The following TACC3 variants were observed in gnomAD, a reference collection of about 807,000 sequenced individuals.
TACC3 encodes transforming acidic coiled-coil-containing protein 3.
Under a neutral mutation model 86.0 loss-of-function variants are expected in TACC3, and 52 were observed. The observed-to-expected ratio is 0.60, with a 90% CI of 0.48 to 0.76. TACC3 has a LOEUF of 0.76. Among genes scored for constraint, TACC3 ranks in the 30% least tolerant of loss-of-function variants. TACC3 has a pLI of 0.00. For synonymous variants in TACC3, 512 were observed against 430.0 expected, an observed-to-expected ratio of 1.19 and a Z score of -2.36; for missense variants, 1,120 against 1,070.4, an observed-to-expected ratio of 1.05 and a Z score of -0.65.
rs1718241354 is a variant in TACC3, at chr4:1,735,932, G to C, written c.1748+98G>C. On this transcript the variant is annotated intron_variant, in intron 8 of 15. Coordinates refer to ENST00000313288, the MANE Select transcript of TACC3 (RefSeq NM_006342.3). The surrounding 1 kb of genome is among the most constrained non-coding windows in gnomAD (Gnocchi z 4.2). Reference sequence around the variant, plus strand: ...TGTCTGCACAGAGGCTTCTAGACCGGGGGGAGATGATCAGAACTGGAAAGG... The same window carrying C: ...TGTCTGCACAGAGGCTTCTAGACCGCGGGGAGATGATCAGAACTGGAAAGG... The C allele has an allele frequency of 3.5e-6, 3 of 868,890 alleles. No homozygotes were observed. The highest frequency in any genetic ancestry group is 4.9e-5 in the Admixed American group (2 of 40,592). The allele number at this position is 868,890 out of a possible 1,614,324, so 53.8% of individuals were successfully genotyped here.
intron 14 of TACC3, 25 bp from the exon 15 acceptor site, chr4:1,744,687 C>T (rs1236060312): frequency 6.2e-7 from 1 of 1,612,120 alleles, no homozygotes; most frequent in African/African-American, 1.3e-5. Flanking sequence ...CCAGCTCAGC[C>T]TCTGCCCCGC....
rs112671464 is a variant in TACC3 at position 1,723,477 on chromosome 4, A to G, written c.56A>G (p.Asn19Ser). The change falls in exon 2 of 16, where the codon AAT becomes AGT. Residue 19 changes from asparagine (N) to serine (S), a missense_variant. Coordinates refer to ENST00000313288, the MANE Select transcript of TACC3 (RefSeq NM_006342.3). The part of the protein sequence containing the change: ...KNVSNEKNTE[N>S]CDFLFSPPEV... ...GTCAGCAATGAAAAAAATACAGAAA[A>G]TTGCGACTTCCTGTTTTCGCCACCA... 16 of 1,613,574 alleles carry G rather than the reference A, an allele frequency of 9.9e-6. No individual in the cohort carries two copies. The highest frequency in any genetic ancestry group is 1.6e-4 in the Middle Eastern group (1 of 6,084).
chr4:1,744,463 GGGTGCTCTCCAGCAGAC>G (rs1364000227), intron 13 of TACC3, 38 bp from the exon 14 acceptor site: 1 of 1,532,796 alleles, frequency 6.5e-7, no homozygotes, highest in Non-Finnish European at 9.0e-7. Context: ...CACCAAGCCT[GGGTGCTCTCCAGCAGAC>G]GGCGTGGTAC....
In TACC3 at chr4:1,723,868, GAAGT is replaced by G; in HGVS notation, c.305+3_305+6del. The G allele has an allele frequency of 6.2e-7, 1 of 1,613,162 alleles. No homozygotes were observed. Among genetic ancestry groups the G allele is most frequent in the Non-Finnish European group, 8.5e-7 (1 of 1,179,894 alleles). ...CACACCCGGTCTGGACACAGAAAGA[GAAGT>G]AAGTGTTGGTGCTGCTGGACATGCT... is the stretch of plus-strand genomic sequence containing the variant. On this transcript the variant is annotated splice_donor_variant and coding_sequence_variant, in exon 3 of 16. Coordinates refer to ENST00000313288, the MANE Select transcript of TACC3 (RefSeq NM_006342.3). LOFTEE classifies it high-confidence loss of function.
intron 10 of TACC3, chr4:1,739,417 C>T (rs924047985): frequency 4.1e-5 from 21 of 509,020 alleles, no homozygotes; most frequent in South Asian, 2.4e-4. Flanking sequence ...CACTGGGCTG[C>T]GGGGGCAGCT....
At chr4:1,720,784 G>T (rs1401984537), upstream of TACC3, 3 of 1,595,396 alleles carry the variant, frequency 1.9e-6, no homozygotes, top group Middle Eastern at 1.7e-4. This position sits in a 1 kb window ranked among gnomAD's most constrained non-coding sequence, Gnocchi z 4.4. Flanking sequence ...TGAACACGAA[G>T]CACACGGCGA....
Position 1,730,390 on chromosome 4 carries a change from T to G in TACC3, c.1386-497T>G, listed in dbSNP as rs529242229. 31 of 253,550 alleles carry G rather than the reference T, an allele frequency of 1.2e-4. No individual in the cohort carries two copies. The South Asian group carries it at 1.2e-3, about 10-fold the overall frequency. 15.7% of individuals were successfully genotyped at this position (253,550 alleles called of 1,614,324 possible). A position where few individuals can be genotyped will look rare whatever the true frequency, so the allele number is the denominator to read the frequency against. ...ATTATTATAATATTAGAATAAAGAGTAAAGCTACAAACTAATGATTAACGA... is the reference window on the plus strand; with the variant it reads ...ATTATTATAATATTAGAATAAAGAGGAAAGCTACAAACTAATGATTAACGA... On this transcript the variant is annotated intron_variant, in intron 4 of 15. Transcript: ENST00000313288.
intron 10 of TACC3, chr4:1,738,207 C>G: frequency 1.1e-5 from 3 of 284,484 alleles, no homozygotes; most frequent in East Asian, 2.0e-4. Flanking sequence ...TGTAGGCACA[C>G]AAAGGGGCTG....
chr4:1,735,157 G>T lies in TACC3; in HGVS notation c.1592-116G>T. On this transcript the variant is annotated intron_variant, in intron 6 of 15. Transcript: ENST00000313288. The surrounding 1 kb of genome is among the most constrained non-coding windows in gnomAD (Gnocchi z 4.2). ...CCCGAACATCCACACCTCCAAGGGAGGAAATACTGCTGGCTGGAATGATCC... is the reference window on the plus strand; with the variant it reads ...CCCGAACATCCACACCTCCAAGGGATGAAATACTGCTGGCTGGAATGATCC... 1.4e-6 allele frequency: 2 copies of T among 1,416,902 alleles called. No individual in the cohort carries two copies. Among genetic ancestry groups the T allele is most frequent in the South Asian group, 2.4e-5 (2 of 81,744 alleles). 87.8% of individuals were successfully genotyped at this position (1,416,902 alleles called of 1,614,324 possible).
At chr4:1,733,803 C>T (rs1718120600) in intron 6 of TACC3, among the ~76,000 whole-genome samples, 1 of 152,110 alleles carries the variant, frequency 6.6e-6, no homozygotes, top group Admixed American at 6.6e-5. Context: ...CATGGTGAAA[C>T]CTCATCTCTA....
At chr4:1,723,252 G>A (rs1717507127) in intron 1 of TACC3, 169 bp from the exon 2 acceptor site, 2 of 683,828 alleles carry the variant, frequency 2.9e-6, no homozygotes, top group Admixed American at 2.9e-5. Flanking sequence ...TGGGGACTCA[G>A]TCTGAGGCTT....
At chr4:1,734,783 G>A (rs2108702536) in intron 6 of TACC3, among the ~76,000 whole-genome samples, 1 of 152,128 alleles carries the variant, frequency 6.6e-6, no homozygotes. Flanking sequence ...GAGTTCTCCT[G>A]CCTCAGCCTC....
At chr4:1,736,444 A>C (rs1323655048) in intron 8 of TACC3, among the ~76,000 whole-genome samples, 1 of 150,110 alleles carries the variant, frequency 6.7e-6, no homozygotes, top group African/African-American at 2.4e-5. Context: ...AAAAAAAAAA[A>C]ACCAAAAAAT....
chr4:1,720,965 ATGGAG>A (rs1717299950), upstream of TACC3: 14 of 495,724 alleles, frequency 2.8e-5, no homozygotes, highest in Non-Finnish European at 4.4e-5. This position sits in a 1 kb window ranked among gnomAD's most constrained non-coding sequence, Gnocchi z 4.4. Context: ...ACTCTAGGAC[ATGGAG>A]TCCCGCCGCC....
Position 1,728,292 on chromosome 4 carries a change from C to T in TACC3, c.890C>T (p.Ser297Phe), listed in dbSNP as rs1446850771. Reference protein sequence around the residue: ...GTQTLTCAHTSAPESTAPTNH... With the variant: ...GTQTLTCAHTFAPESTAPTNH... ...CAGACCCTTACCTGTGCACACACCTCTGCTCCTGAGAGCACAGCCCCAACC... is the reference window on the plus strand; with the variant it reads ...CAGACCCTTACCTGTGCACACACCTTTGCTCCTGAGAGCACAGCCCCAACC... Residue 297 changes from serine (S) to phenylalanine (F), a missense_variant, in exon 4 of 16, where the codon TCT becomes TTT. Transcript: ENST00000313288. 2.5e-6 allele frequency: 4 copies of T among 1,612,872 alleles called. No homozygotes were observed. In the Admixed American group the frequency reaches 5.0e-5, roughly 20 times the overall value.
upstream of TACC3, chr4:1,720,749 C>T (rs754352878): frequency 9.5e-6 from 15 of 1,581,000 alleles, no homozygotes; most frequent in Non-Finnish European, 1.3e-5. This position sits in a 1 kb window ranked among gnomAD's most constrained non-coding sequence, Gnocchi z 4.4. Flanking sequence ...CACCGTGAGC[C>T]CCGCCGCGTG....
Position 1,730,034 on chromosome 4 carries a change from A to ATTTG in TACC3, c.1386-837_1386-834dup, listed in dbSNP as rs377531457. Among the ~76,000 whole-genome samples the ATTTG allele has an allele frequency of 4.7e-4, 71 of 151,638 alleles. 1 individual carries two copies. Among genetic ancestry groups the ATTTG allele is most frequent in the African/African-American group, 1.3e-3 (53 of 41,300 alleles). On this transcript the variant is annotated intron_variant, in intron 4 of 15. Transcript: ENST00000313288. The stretch of plus-strand genomic sequence containing the variant: ...ATATGGCCTGGTTTTTCCTAGGGTT[A>ATTTG]TTTGTTTGTTTGTTTGTTTTTTGAG...
chr4:1,733,758 A>G (rs1452338848), intron 6 of TACC3, among the ~76,000 whole-genome samples: 1 of 152,182 alleles, frequency 6.6e-6, no homozygotes, highest in Non-Finnish European at 1.5e-5. Context: ...AGGGCGAATC[A>G]CCTGAGATCA....
At chr4:1,740,346 C>T (rs1718526178) in intron 12 of TACC3, 2 of 441,818 alleles carry the variant, frequency 4.5e-6, no homozygotes, top group South Asian at 2.8e-5. Flanking sequence ...GCAGCAGCCT[C>T]TGTAGGTGTC....
Sources: gnomAD v4.1 joint callset for allele counts (sites outside exome capture counted in the v4.1 genomes callset) on GRCh38, gnomAD v4.1.1 for gene constraint, Gnocchi (gnomAD v3.1) non-coding constraint, MANE v1.5 for transcripts, NCBI Gene and HGNC (gene_info 2026-07-23, HGNC 2026-07-21) for gene names.